The following VIT variants were observed in gnomAD, a reference collection of about 807,000 sequenced individuals.
The protein encoded by VIT is vitrin.
Under a neutral mutation model 78.0 loss-of-function variants are expected in VIT, and 99 were observed. The ratio of observed to expected loss-of-function variants is 1.27; its 90% CI spans 1.08 to 1.50. VIT has a LOEUF of 1.50. VIT is among the 40% of genes most tolerant of loss of function. VIT has a pLI of 0.00. For missense variants in VIT, 1,126 were observed against 875.3 expected, an observed-to-expected ratio of 1.29 and a Z score of -3.61; for synonymous variants, 374 against 334.3, an observed-to-expected ratio of 1.12 and a Z score of -1.29.
chr2:36,811,659 TTTC>T (rs1233134375), intron 15 of VIT, among the ~76,000 whole-genome samples: 3 of 151,878 alleles, frequency 2.0e-5, no homozygotes, highest in Non-Finnish European at 4.4e-5. Context: ...TTTTCTTTTT[TTTC>T]TTTCTTTCTT....
At chr2:36,717,186 T>A (rs1386056446) in intron 2 of VIT, among the ~76,000 whole-genome samples, 1 of 147,458 alleles carries the variant, frequency 6.8e-6, no homozygotes, top group African/African-American at 2.5e-5. Context: ...GAGATGATTT[T>A]TTTTTTTTTT....
In VIT at chr2:36,795,360, A is replaced by T. The variant is rs530424883; in HGVS notation, c.1059-5941A>T. 9.1e-4 allele frequency among the ~76,000 whole-genome samples: 75 copies of T among 82,580 alleles called. No homozygotes were observed. The East Asian group carries it at 0.045, about 50-fold the overall frequency. 54.2% of individuals were successfully genotyped at this position (82,580 alleles called of 152,430 possible). On this transcript the variant is annotated intron_variant, in intron 12 of 15. Coordinates refer to ENST00000379242, the MANE Select transcript of VIT (RefSeq NM_053276.4). The stretch of plus-strand genomic sequence containing the variant: ...ACTCTGCCTTATTTTATTTTATTTT[A>T]TTTTATTTATTTTATTTTATTTTAT...
chr2:36,755,169 C>A, intron 5 of VIT, 115 bp downstream of exon 5: 1 of 1,196,264 alleles, frequency 8.4e-7, no homozygotes, highest in Non-Finnish European at 1.1e-6. Flanking sequence ...AAATCTGAAG[C>A]ATTCGTTTTT....
chr2:36,807,179 G>C (rs867097006), intron 14 of VIT, among the ~76,000 whole-genome samples: 2 of 152,144 alleles, frequency 1.3e-5, no homozygotes, highest in African/African-American at 4.8e-5. Context: ...CCCCAGGTTA[G>C]TTTAGATTTC....
chr2:36,789,034 T>TA (rs977355263), intron 12 of VIT, among the ~76,000 whole-genome samples: 2 of 152,180 alleles, frequency 1.3e-5, no homozygotes, highest in Admixed American at 6.5e-5. Flanking sequence ...TTTTACTATC[T>TA]AAAAAATCCC....
At chr2:36,698,982 C>A (rs1484502802) in intron 1 of VIT, among the ~76,000 whole-genome samples, 2 of 125,018 alleles carry the variant, frequency 1.6e-5, no homozygotes, top group African/African-American at 3.0e-5. Context: ...GAAATGTAAT[C>A]TTTTATTCCC....
intron 6 of VIT, among the ~76,000 whole-genome samples, chr2:36,764,155 G>T (rs970338106): frequency 6.6e-6 from 1 of 152,180 alleles, no homozygotes; most frequent in Non-Finnish European, 1.5e-5. Context: ...GTTTTAGGTG[G>T]CAAAAAGTGT....
chr2:36,727,946 T>G (rs976739732), intron 2 of VIT, among the ~76,000 whole-genome samples: 1 of 152,246 alleles, frequency 6.6e-6, no homozygotes, highest in Non-Finnish European at 1.5e-5. Context: ...TTCTTTTTTT[T>G]GAGATGAAGT....
intron 7 of VIT, among the ~76,000 whole-genome samples, chr2:36,771,552 A>T (rs1424009520): frequency 1.4e-5 from 2 of 139,408 alleles, no homozygotes; most frequent in Admixed American, 1.4e-4. Flanking sequence ...AAGAAAAAGA[A>T]AAAAAAAAAA....
chr2:36,720,864 G>C (rs1171701864), intron 2 of VIT, among the ~76,000 whole-genome samples: 1 of 152,136 alleles, frequency 6.6e-6, no homozygotes, highest in Non-Finnish European at 1.5e-5. Context: ...ATAAAAATTA[G>C]CCAGGTATGG....
chr2:36,809,695 G>A (rs1667010101), intron 15 of VIT, among the ~76,000 whole-genome samples: 1 of 152,162 alleles, frequency 6.6e-6, no homozygotes, highest in African/African-American at 2.4e-5. Context: ...AATTACAGTA[G>A]TGAGTCACCA....
chr2:36,756,834 G>A (rs537588798), intron 5 of VIT, among the ~76,000 whole-genome samples: 68 of 152,284 alleles, frequency 4.5e-4, no homozygotes, highest in African/African-American at 1.6e-3. Flanking sequence ...CTGAATAAGA[G>A]CATTTCAGCC....
chr2:36,720,588 A>G (rs1666441419), intron 2 of VIT, among the ~76,000 whole-genome samples: 2 of 152,368 alleles, frequency 1.3e-5, no homozygotes, highest in South Asian at 4.1e-4. Flanking sequence ...CAGAAAGACA[A>G]ATACTGTATG....
At chr2:36,801,278 T>C in intron 12 of VIT, 23 bp from the exon 13 acceptor site, 1 of 1,591,616 alleles carries the variant, frequency 6.3e-7, no homozygotes, top group Non-Finnish European at 8.6e-7. Flanking sequence ...AGCTAATTTG[T>C]ATTTCTTGTT....
chr2:36,797,741 C>CATAG (rs1666010766), intron 12 of VIT, among the ~76,000 whole-genome samples: 1 of 152,194 alleles, frequency 6.6e-6, no homozygotes, highest in African/African-American at 2.4e-5. Context: ...CAGGGATGTG[C>CATAG]ATAGCCAAGA....
At chr2:36,790,787 G>A (rs1665436096) in intron 12 of VIT, among the ~76,000 whole-genome samples, 1 of 152,238 alleles carries the variant, frequency 6.6e-6, no homozygotes, top group Admixed American at 6.5e-5. Flanking sequence ...GAGACATCGT[G>A]TGTGGACAAA....
intron 2 of VIT, among the ~76,000 whole-genome samples, 168 bp from the exon 3 acceptor site, chr2:36,729,258 C>T (rs113519344): frequency 3.3e-5 from 5 of 152,270 alleles, no homozygotes; most frequent in African/African-American, 1.2e-4. Flanking sequence ...CCTGTTGACA[C>T]ATTTTTCAGA....
At position 36,761,523 on chromosome 2, in the gene VIT, G is replaced by A. The variant is rs990226051; in HGVS notation, c.487+2477G>A. On this transcript the variant is annotated intron_variant, in intron 6 of 15. Coordinates refer to ENST00000379242, the MANE Select transcript of VIT (RefSeq NM_053276.4). ...TGGGAGGCCGAGGCAGGCGGATCGC[G>A]AGGTCAGGAGATGGAGACCATCCTG... is the stretch of plus-strand genomic sequence containing the variant. Among the ~76,000 whole-genome samples the A allele has an allele frequency of 3.3e-5, 5 of 152,184 alleles. No individual in the cohort carries two copies. In the South Asian group the frequency reaches 6.2e-4, roughly 19 times the overall value.
intron 14 of VIT, among the ~76,000 whole-genome samples, chr2:36,807,516 G>A (rs1666818936): frequency 1.3e-5 from 2 of 152,288 alleles, no homozygotes; most frequent in Non-Finnish European, 1.5e-5. Context: ...ACTCCATTTA[G>A]GTTTTTACAA....
Sources: allele counts gnomAD v4.1 joint callset (sites outside exome capture counted in the v4.1 genomes callset), GRCh38; gene constraint gnomAD v4.1.1; transcripts MANE v1.5; gene names NCBI Gene and HGNC (gene_info 2026-07-23, HGNC 2026-07-21).